The following FAT1 variants were observed in gnomAD, a reference collection of about 807,000 sequenced individuals.
The protein encoded by FAT1 is FAT atypical cadherin 1, also known as protocadherin Fat 1.
In FAT1, 171 loss-of-function variants were observed where a neutral mutation model predicts 329.8. The observed-to-expected ratio is 0.52, with a 90% CI of 0.46 to 0.59. FAT1 has a LOEUF of 0.59. Among genes scored for constraint, FAT1 ranks in the 20% least tolerant of loss-of-function variants. FAT1 has a pLI of 0.00. For synonymous variants in FAT1, 2,233 were observed against 2,228.6 expected (o/e 1.00, Z -0.06); for missense variants, 5,672 against 5,774.4 (o/e 0.98, Z 0.57).
At chr4:186,667,458 T>C (rs114668713) in intron 2 of FAT1, among the ~76,000 whole-genome samples, 236 of 152,378 alleles carry the variant, frequency 1.5e-3, no homozygotes, top group African/African-American at 5.5e-3. Flanking sequence ...GATGTTCCTA[T>C]TTCATGAATT....
Position 186,709,255 on chromosome 4 carries a change from T to A in FAT1, c.573A>T (p.Arg191=), listed in dbSNP as rs1281094743. Residue 191 remains arginine (R), a synonymous_variant, in exon 2 of 27, where the codon CGA becomes CGT. Coordinates refer to ENST00000441802, the MANE Select transcript of FAT1 (RefSeq NM_005245.4). ...NGEFYYSFKD[R]TDMFAIHPTS... ...TTGGGTGAATAGCAAACATATCTGT[T>A]CGATCTTTAAAACTGTAGTAAAATT... 6.2e-7 allele frequency: 1 copy of A among 1,614,002 alleles called. No homozygotes were observed. Among genetic ancestry groups the A allele is most frequent in the Non-Finnish European group, 8.5e-7 (1 of 1,179,898 alleles).
At chr4:186,637,162 C>T (rs1740874441) in intron 4 of FAT1, among the ~76,000 whole-genome samples, 1 of 152,118 alleles carries the variant, frequency 6.6e-6, no homozygotes, top group East Asian at 1.9e-4. Flanking sequence ...CCCCTGCGCG[C>T]CTTCCTGACC....
chr4:186,646,776 T>C (rs1171585928), intron 3 of FAT1, among the ~76,000 whole-genome samples: 2 of 151,670 alleles, frequency 1.3e-5, no homozygotes, highest in African/African-American at 4.8e-5. Context: ...GTGCTGATAC[T>C]GCCCTGCCAT....
At chr4:186,715,089 AAAAAGTACTTGCTGAT>A (rs1186809634) in intron 1 of FAT1, among the ~76,000 whole-genome samples, 1 of 151,662 alleles carries the variant, frequency 6.6e-6, no homozygotes, top group African/African-American at 2.4e-5. Flanking sequence ...AAAACAAAAA[AAAAAGTACTTGCTGAT>A]GCGCCACGCT....
chr4:186,718,496 G>A (rs994340467), intron 1 of FAT1, among the ~76,000 whole-genome samples: 6 of 151,954 alleles, frequency 3.9e-5, no homozygotes, highest in South Asian at 2.1e-4. Flanking sequence ...GTGAAACCCC[G>A]TCTCTACTAA....
chr4:186,706,661 A>G lies in FAT1; in HGVS notation c.3167T>C (p.Val1056Ala), dbSNP rs200858909. Reference protein sequence around the residue: ...DAPVGSLVMTVSAHDEDARRD... With the variant: ...DAPVGSLVMTASAHDEDARRD... The stretch of plus-strand genomic sequence containing the variant: ...TCTGGCGTCCTCATCATGAGCCGAC[A>G]CCGTCATTACCAATGAACCAACAGG... Residue 1056 changes from valine (V) to alanine (A), a missense_variant, in exon 2 of 27, where the codon GTG becomes GCG. Around this residue, in one of 2 missense-constraint regions of FAT1, gnomAD observed 3,966 missense variants for 3,915.2 expected, o/e 1.01. Transcript: ENST00000441802. 1.2e-4 allele frequency: 197 copies of G among 1,613,900 alleles called. No individual in the cohort carries two copies. Among genetic ancestry groups the G allele is most frequent in the Non-Finnish European group, 8.6e-5 (102 of 1,179,900 alleles).
chr4:186,627,780 C>A (rs377187448), intron 9 of FAT1, among the ~76,000 whole-genome samples: 1 of 152,128 alleles, frequency 6.6e-6, no homozygotes, highest in African/African-American at 2.4e-5. Context: ...AAAAGTGAAA[C>A]GTTAAATTAC....
At chr4:186,616,090 G>A (rs572039567) in intron 11 of FAT1, among the ~76,000 whole-genome samples, 6 of 151,828 alleles carry the variant, frequency 4.0e-5, no homozygotes, top group African/African-American at 1.2e-4. Flanking sequence ...GGTGGCTTTG[G>A]TCCTTTCACT....
chr4:186,603,130 C>G (rs1738901126), intron 19 of FAT1, 46 bp downstream of exon 19: 1 of 1,608,170 alleles, frequency 6.2e-7, no homozygotes, highest in Non-Finnish European at 8.5e-7. Context: ...CAAAGGCCGT[C>G]TGAAACCATC....
chr4:186,601,545 T>C, intron 20 of FAT1, 119 bp from the exon 21 acceptor site: 4 of 724,976 alleles, frequency 5.5e-6, no homozygotes, highest in East Asian at 5.4e-5. Flanking sequence ...GATAACATTT[T>C]ACTATCCAAT....
intron 2 of FAT1, among the ~76,000 whole-genome samples, chr4:186,701,529 C>G (rs1300104054): frequency 6.6e-6 from 1 of 152,154 alleles, no homozygotes; most frequent in Non-Finnish European, 1.5e-5. Context: ...GGCCTCCCAC[C>G]CGTCTCTAAT....
chr4:186,656,127 G>A (rs1327375198), intron 3 of FAT1, among the ~76,000 whole-genome samples: 1 of 152,244 alleles, frequency 6.6e-6, no homozygotes, highest in Non-Finnish European at 1.5e-5. Context: ...AAGGCAAGGT[G>A]AGACGCTCAG....
chr4:186,712,225 T>A (rs1432326330), intron 1 of FAT1, among the ~76,000 whole-genome samples: 3 of 152,188 alleles, frequency 2.0e-5, no homozygotes, highest in Admixed American at 2.0e-4. Flanking sequence ...GTAGATACAA[T>A]GTACCCACGG....
chr4:186,611,825 C>A (rs1195327703), intron 13 of FAT1, 50 bp from the exon 14 acceptor site: 125 of 1,394,558 alleles, frequency 9.0e-5, no homozygotes, highest in Non-Finnish European at 1.0e-4. Context: ...AAAAGTTTAA[C>A]ACTTTTTTTT....
chr4:186,657,415 T>C (rs893580479), intron 3 of FAT1, among the ~76,000 whole-genome samples: 1 of 151,688 alleles, frequency 6.6e-6, no homozygotes, highest in Non-Finnish European at 1.5e-5. Context: ...TTCACCAAGA[T>C]AAAATTCCAG....
rs367863 is a variant in FAT1, at chr4:186,707,986, G to C, written c.1842C>G (p.Phe614Leu). The C allele has an allele frequency of 0.77, 1,240,531 of 1,613,702 alleles. 479,592 individuals are homozygous for C. The highest frequency in any genetic ancestry group is 0.8 in the South Asian group (72,960 of 91,076). Residue 614 changes from phenylalanine to leucine, a missense_variant, in exon 2 of 27, where the codon TTC (phenylalanine) becomes TTG (leucine). Phe to Leu is a conservative substitution (Grantham distance 22). Around this residue, in one of 2 missense-constraint regions of FAT1, gnomAD observed 3,966 missense variants for 3,915.2 expected, o/e 1.01. Transcript: ENST00000441802. ...YQIEAGNELD[F>L]FSLNPNSGVL... The stretch of plus-strand genomic sequence containing the variant: ...CCCCCGAGTTGGGGTTTAAACTAAA[G>C]AAATCCAGTTCATTTCCAGCTTCAA...
rs75278242 is a variant in FAT1 at position 186,721,118 on chromosome 4, T to C, written c.-19+2546A>G. On this transcript the variant is annotated intron_variant, in intron 1 of 26. Transcript: ENST00000441802. ...AGGATACAGATTAAATCATGACTAA[T>C]ATTTCCTAAGCAGTGTATAGAAGCC... Among the ~76,000 whole-genome samples the C allele has an allele frequency of 5.4e-3, 830 of 152,366 alleles. 4 individuals are homozygous for C. The highest frequency in any genetic ancestry group is 0.019 in the African/African-American group (799 of 41,588).
At chr4:186,608,330 C>T (rs1016369442) in intron 16 of FAT1, among the ~76,000 whole-genome samples, 1 of 152,316 alleles carries the variant, frequency 6.6e-6, no homozygotes, top group East Asian at 1.9e-4. Context: ...GTACCTAATA[C>T]AGTATCAATG....
In FAT1 at chr4:186,663,490, T is replaced by C. The variant is rs2126617892; in HGVS notation, c.3389A>G (p.Glu1130Gly). The change falls in exon 3 of 27, where the codon GAG becomes GGG. Residue 1130 changes from glutamate to glycine, a missense_variant. By Grantham distance (98) the Glu-to-Gly change is moderately conservative (BLOSUM62 -2). Transcript: ENST00000441802. ...CTGTGGTGCATTGTCATTGACATCC[T>C]CAACCTCTATGTAGATCTCTATGAA... ...SSFIEIYIEV[E>G]DVNDNAPQTS... The C allele has an allele frequency of 6.2e-7, 1 of 1,614,040 alleles. No homozygotes were observed. The highest frequency in any genetic ancestry group is 8.5e-7 in the Non-Finnish European group (1 of 1,179,888).
Sources: allele counts gnomAD v4.1 joint callset (sites outside exome capture counted in the v4.1 genomes callset), GRCh38; gene constraint gnomAD v4.1.1; regional missense constraint gnomAD v4.1.1; transcripts MANE v1.5; gene names NCBI Gene and HGNC (gene_info 2026-07-23, HGNC 2026-07-21).